AUTS2: variants seen among roughly 807,000 people sequenced by gnomAD.
AUTS2 encodes the protein autism susceptibility gene 2 protein.
Under a neutral mutation model 112.4 loss-of-function variants are expected in AUTS2, and 17 were observed. The ratio of observed to expected loss-of-function variants is 0.15; its 90% confidence interval spans 0.10 to 0.23. AUTS2 has a LOEUF of 0.23. Among genes scored for constraint, AUTS2 ranks in the 10% least tolerant of loss-of-function variants. The pLI is 1.00. For synonymous variants in AUTS2, 751 were observed against 702.7 expected, an observed-to-expected ratio of 1.07 and a Z score of -1.09; for missense variants, 1,510 against 1,701.6, an observed-to-expected ratio of 0.89 and a Z score of 1.98.
intron 5 of AUTS2, among the ~76,000 whole-genome samples, chr7:70,627,113 C>T (rs1001068940): frequency 1.3e-5 from 2 of 152,218 alleles, no homozygotes; most frequent in African/African-American, 4.8e-5. Flanking sequence ...AGGCACTGAA[C>T]TAATTTACCT....
At chr7:70,323,367 T>C (rs1790343142) in intron 4 of AUTS2, among the ~76,000 whole-genome samples, 1 of 152,154 alleles carries the variant, frequency 6.6e-6, no homozygotes, top group South Asian at 2.1e-4. Flanking sequence ...ATCTTTATGT[T>C]TGTGGCCCAG....
chr7:69,798,719 G>A (rs1453561096), intron 1 of AUTS2, among the ~76,000 whole-genome samples: 1 of 152,166 alleles, frequency 6.6e-6, no homozygotes. Flanking sequence ...AGCTGGGTGT[G>A]GTGACTCACT....
At chr7:70,160,809 T>C (rs1808037571) in intron 4 of AUTS2, among the ~76,000 whole-genome samples, 1 of 152,230 alleles carries the variant, frequency 6.6e-6, no homozygotes, top group Non-Finnish European at 1.5e-5. Context: ...TCATTGCTTT[T>C]TGCAGCATTT....
chr7:70,412,053 C>A (rs550254360), intron 4 of AUTS2, among the ~76,000 whole-genome samples: 1 of 151,946 alleles, frequency 6.6e-6, no homozygotes, highest in South Asian at 2.1e-4. Context: ...CACTACCATG[C>A]CCAGCTAATT....
chr7:70,374,226 A>G (rs1427436840), intron 4 of AUTS2, among the ~76,000 whole-genome samples: 4 of 152,358 alleles, frequency 2.6e-5, no homozygotes, highest in Admixed American at 1.3e-4. Context: ...GGGATAAAGC[A>G]CATTTTAAAT....
At chr7:70,715,776 C>G (rs116708885) in intron 6 of AUTS2, among the ~76,000 whole-genome samples, 1 of 152,174 alleles carries the variant, frequency 6.6e-6, no homozygotes, top group Non-Finnish European at 1.5e-5. Context: ...AAGCCATCCA[C>G]CTGCCCTGTC....
intron 5 of AUTS2, among the ~76,000 whole-genome samples, chr7:70,663,966 G>A (rs571194774): frequency 3.2e-4 from 48 of 152,266 alleles, no homozygotes; most frequent in Non-Finnish European, 5.6e-4. Context: ...GCCTAAAATT[G>A]AACTCAAATA....
intron 5 of AUTS2, among the ~76,000 whole-genome samples, chr7:70,471,491 C>T (rs4236237): frequency 1.3e-5 from 2 of 151,876 alleles, no homozygotes; most frequent in Admixed American, 1.3e-4. Flanking sequence ...GTATTCAAGT[C>T]CCTCAAAATC....
rs926558111 is a variant in AUTS2 at position 70,346,386 on chromosome 7, G to A, written c.661-89366G>A. On this transcript the variant is annotated intron_variant, in intron 4 of 18. Transcript: ENST00000342771. Reference sequence around the variant, plus strand: ...CCATGAGAGAAGCTTTCAGTGCTGCGATCTGAGGCCAGTCTGATCTGACAC... The same window carrying A: ...CCATGAGAGAAGCTTTCAGTGCTGCAATCTGAGGCCAGTCTGATCTGACAC... Among the ~76,000 whole-genome samples, 3 of 152,132 alleles carry A rather than the reference G, an allele frequency of 2.0e-5. 1 individual carries two copies. The highest frequency in any genetic ancestry group is 4.1e-4 in the South Asian group (2 of 4,830).
intron 5 of AUTS2, among the ~76,000 whole-genome samples, chr7:70,644,197 G>A (rs868703482): frequency 2.6e-5 from 4 of 152,224 alleles, no homozygotes; most frequent in Non-Finnish European, 5.9e-5. Context: ...GGTTGTGGAG[G>A]GAACAAACAA....
chr7:70,673,731 A>C lies in AUTS2; in HGVS notation c.691-24838A>C, dbSNP rs549123307. Among the ~76,000 whole-genome samples the C allele has an allele frequency of 3.3e-5, 5 of 152,182 alleles. 1 individual carries two copies. The South Asian group carries it at 1.0e-3, about 32-fold the overall frequency. On this transcript the variant is annotated intron_variant, in intron 5 of 18. Transcript: ENST00000342771. Reference sequence around the variant, plus strand: ...CCAGTGCTGGATTGTGAGCTCTCTGAGAGCAGAGCCTGGGTCTTACTCATC... The same window carrying C: ...CCAGTGCTGGATTGTGAGCTCTCTGCGAGCAGAGCCTGGGTCTTACTCATC...
intron 1 of AUTS2, among the ~76,000 whole-genome samples, chr7:69,698,391 A>G (rs1797648699): frequency 6.6e-6 from 1 of 152,052 alleles, no homozygotes; most frequent in Non-Finnish European, 1.5e-5. Context: ...AAAGCAAATA[A>G]TTTTCCCTAG....
chr7:70,220,992 G>A (rs1299080464), intron 4 of AUTS2, among the ~76,000 whole-genome samples: 1 of 152,164 alleles, frequency 6.6e-6, no homozygotes, highest in Non-Finnish European at 1.5e-5. Flanking sequence ...GAGTGCAGTG[G>A]TCACTACAGC....
chr7:70,299,596 T>C (rs1789109995), intron 4 of AUTS2, among the ~76,000 whole-genome samples: 1 of 152,144 alleles, frequency 6.6e-6, no homozygotes, highest in Non-Finnish European at 1.5e-5. Context: ...TACGTTCCAT[T>C]CTGCCACCAC....
At chr7:69,773,180 A>G (rs1163963738) in intron 1 of AUTS2, among the ~76,000 whole-genome samples, 1 of 152,184 alleles carries the variant, frequency 6.6e-6, no homozygotes, top group East Asian at 1.9e-4. Flanking sequence ...CTTGCCTTAC[A>G]TGGAAAATGT....
chr7:70,030,586 G>C (rs1206818467), intron 2 of AUTS2, among the ~76,000 whole-genome samples: 1 of 152,092 alleles, frequency 6.6e-6, no homozygotes, highest in East Asian at 1.9e-4. Flanking sequence ...CTTCTTGAAA[G>C]GGAGAAACCA....
chr7:70,507,879 A>G (rs1799029656), intron 5 of AUTS2, among the ~76,000 whole-genome samples: 1 of 152,258 alleles, frequency 6.6e-6, no homozygotes, highest in Non-Finnish European at 1.5e-5. Flanking sequence ...GTGTATGTGT[A>G]CACATGTGTG....
chr7:70,612,115 G>T (rs2129533949), intron 5 of AUTS2, among the ~76,000 whole-genome samples: 1 of 152,304 alleles, frequency 6.6e-6, no homozygotes, highest in Non-Finnish European at 1.5e-5. Context: ...AATGACCCCA[G>T]ATTATTAGCT....
At chr7:70,265,519 A>T (rs1373564433) in intron 4 of AUTS2, among the ~76,000 whole-genome samples, 2 of 152,190 alleles carry the variant, frequency 1.3e-5, no homozygotes, top group African/African-American at 4.8e-5. Flanking sequence ...CCTTATTCTC[A>T]TCTTTATAGA....
Sources: allele counts gnomAD v4.1 joint callset (sites outside exome capture counted in the v4.1 genomes callset), GRCh38; gene constraint gnomAD v4.1.1; transcripts MANE v1.5; gene names NCBI Gene and HGNC (gene_info 2026-07-23, HGNC 2026-07-21).